E2F7: variants seen among roughly 807,000 people sequenced by gnomAD.
E2F7 encodes E2F transcription factor 7, also known as transcription factor E2F7.
Under a neutral mutation model 81.1 loss-of-function variants are expected in E2F7, and 35 were observed. That is an observed-to-expected ratio of 0.43 (90% CI 0.33 to 0.57). The LOEUF (loss-of-function observed/expected upper bound fraction) is 0.57. Ranked by LOEUF, E2F7 falls within the 20% of genes least tolerant of loss-of-function variation. The pLI is 0.04. For synonymous variants in E2F7, 416 were observed against 416.2 expected, an observed-to-expected ratio of 1.00 and a Z score of 0.01; for missense variants, 961 against 1,093.7, an observed-to-expected ratio of 0.88 and a Z score of 1.71.
intron 2 of E2F7, among the ~76,000 whole-genome samples, chr12:77,058,169 G>C (rs1955050040): frequency 6.6e-6 from 1 of 152,158 alleles, no homozygotes; most frequent in Admixed American, 6.5e-5. Context: ...ACAAGTCCCT[G>C]TTAGTGTGCT....
chr12:77,057,092 A>T (rs984931851), intron 2 of E2F7, among the ~76,000 whole-genome samples: 1 of 151,914 alleles, frequency 6.6e-6, no homozygotes, highest in African/African-American at 2.4e-5. Flanking sequence ...TCACTCTGTA[A>T]CCCAGGCTGG....
chr12:77,026,029 G>A (rs1227557366), intron 11 of E2F7, 47 bp from the exon 12 acceptor site: 5 of 1,531,394 alleles, frequency 3.3e-6, no homozygotes, highest in Non-Finnish European at 4.4e-6. Flanking sequence ...GTCATCATGA[G>A]GATATCATTC....
chr12:77,050,743 A>T lies in E2F7; in HGVS notation c.371T>A (p.Leu124His). 5 of 1,612,734 alleles carry T rather than the reference A, an allele frequency of 3.1e-6. No homozygotes were observed. The highest frequency in any genetic ancestry group is 3.4e-6 in the Non-Finnish European group (4 of 1,179,322). Reference protein sequence around the residue: ...KDDAFTDSLQLDVVGDSAVDE... With the variant: ...KDDAFTDSLQHDVVGDSAVDE... The stretch of plus-strand genomic sequence containing the variant: ...CACAGCACTGTCCCCAACAACATCA[A>T]GCTACAGAGGGCAGATAGAAGGGAG... Residue 124 changes from leucine to histidine, a missense_variant and splice_region_variant, in exon 4 of 13, where the codon CTT becomes CAT. This residue lies in a region of E2F7 where 301 missense variants were observed against 405.0 expected (regional missense o/e 0.74). Transcript: ENST00000322886.
intron 3 of E2F7, among the ~76,000 whole-genome samples, chr12:77,052,756 T>C (rs537033727): frequency 5.9e-5 from 9 of 152,172 alleles, no homozygotes; most frequent in Non-Finnish European, 8.8e-5. Context: ...ACTGAAAGAA[T>C]AGATACATAA....
chr12:77,046,272 C>T lies in E2F7; in HGVS notation c.595G>A (p.Val199Ile), dbSNP rs377755386. Residue 199 changes from valine (V) to isoleucine (I), a missense_variant, in exon 5 of 13, where the codon GTC (valine) becomes ATC (isoleucine). This residue lies in a region of E2F7 where 301 missense variants were observed against 405.0 expected (regional missense o/e 0.74). Transcript: ENST00000322886. ...TACTGATTCTTAGCCACCCGGCTGA[C>T]CAGATGCAGCGACTCCAGCACATTT... The part of the protein sequence containing the change: ...IVNVLESLHL[V>I]SRVAKNQYGW... 152 of 1,614,062 alleles carry T rather than the reference C, an allele frequency of 9.4e-5. No homozygotes were observed. The highest frequency in any genetic ancestry group is 1.2e-4 in the Non-Finnish European group (140 of 1,180,050).
chr12:77,054,382 G>A (rs953315802), intron 3 of E2F7, among the ~76,000 whole-genome samples: 12 of 151,788 alleles, frequency 7.9e-5, no homozygotes, highest in African/African-American at 2.7e-4. Context: ...CAAACTATGG[G>A]AAATTGAAAC....
At chr12:77,028,725 C>T (rs1395182636) in intron 10 of E2F7, among the ~76,000 whole-genome samples, 1 of 152,172 alleles carries the variant, frequency 6.6e-6, no homozygotes, top group East Asian at 1.9e-4. Flanking sequence ...CCGCCCGCCT[C>T]GGCCTCCAAA....
In E2F7 at chr12:77,055,948, A is replaced by G. The variant is rs1434878496; in HGVS notation, c.276T>C (p.Ser92=). 1.2e-6 allele frequency: 2 copies of G among 1,614,144 alleles called. No homozygotes were observed. The highest frequency in any genetic ancestry group is 4.5e-5 in the East Asian group (2 of 44,878). The part of the protein sequence containing the change: ...TPTANLKMLI[S]AASPDIRDRE... ...GGTCCCTTATATCTGGGCTGGCAGCACTAATGAGCATCTTCAGGTTAGCTG... is the reference window on the plus strand; with the variant it reads ...GGTCCCTTATATCTGGGCTGGCAGCGCTAATGAGCATCTTCAGGTTAGCTG... The change falls in exon 3 of 13, where the codon AGT becomes AGC. Residue 92 remains serine (S), a synonymous_variant. Coordinates refer to ENST00000322886, the MANE Select transcript of E2F7 (RefSeq NM_203394.3).
At chr12:77,031,425 GAAGTCA>G (rs1954806501) in intron 9 of E2F7, among the ~76,000 whole-genome samples, 1 of 139,360 alleles carries the variant, frequency 7.2e-6, no homozygotes, top group South Asian at 2.3e-4. Context: ...TGGATAACCT[GAAGTCA>G]GGAGTTCAAG....
rs373744313 is a variant in E2F7, at chr12:77,053,541, T to C, written c.369+2314A>G. On this transcript the variant is annotated intron_variant, in intron 3 of 12. Transcript: ENST00000322886. ...TCCTGACTCTCTGAAAGACTGTCTG[T>C]GGACACTGAGGTCCCCAGATGACCT... is the stretch of plus-strand genomic sequence containing the variant. 3.9e-5 allele frequency among the ~76,000 whole-genome samples: 6 copies of C among 152,310 alleles called. No individual in the cohort carries two copies. In the South Asian group the frequency reaches 6.2e-4, roughly 16 times the overall value.
intron 9 of E2F7, among the ~76,000 whole-genome samples, chr12:77,032,183 C>T (rs1954813227): frequency 6.6e-6 from 1 of 152,188 alleles, no homozygotes; most frequent in Admixed American, 6.5e-5. Context: ...AAAAAGTAGC[C>T]AGGATGATCT....
intron 2 of E2F7, among the ~76,000 whole-genome samples, chr12:77,059,871 G>C (rs1183539903): frequency 6.7e-6 from 1 of 150,242 alleles, no homozygotes; most frequent in East Asian, 2.0e-4. Context: ...GCTGAGGCAG[G>C]AGAATAGCGT....
intron 8 of E2F7, among the ~76,000 whole-genome samples, chr12:77,033,475 G>C (rs1954822881): frequency 6.6e-6 from 1 of 152,048 alleles, no homozygotes; most frequent in Admixed American, 6.5e-5. Flanking sequence ...TCATGCCACT[G>C]TACTCCAGCC....
Position 77,056,153 on chromosome 12 carries a change from A to G in E2F7, c.94-23T>C, listed in dbSNP as rs757700254. ...TTCCTATTTTAAAAAAGAAACTTTT[A>G]GCAAGAATGAGAAAGGGCAGGTATC... On this transcript the variant is annotated intron_variant, in intron 2 of 12. Transcript: ENST00000322886. 3.2e-6 allele frequency: 5 copies of G among 1,566,112 alleles called. No individual in the cohort carries two copies. In the African/African-American group the frequency reaches 6.9e-5, roughly 21 times the overall value.
rs1221862925 is a variant in E2F7, at chr12:77,037,648, C to T, written c.1124-3606G>A. 5.9e-5 allele frequency among the ~76,000 whole-genome samples: 9 copies of T among 152,110 alleles called. No individual in the cohort carries two copies. In the East Asian group the frequency reaches 1.5e-3, roughly 26 times the overall value. ...AACCCTAAAGGAACCATTAACATAA[C>T]ACAACAAAGAATTATAGCCAAGAAA... On this transcript the variant is annotated intron_variant, in intron 7 of 12. Transcript: ENST00000322886.
rs144827154 is a variant in E2F7 at position 77,038,233 on chromosome 12, T to C, written c.1124-4191A>G. On this transcript the variant is annotated intron_variant, in intron 7 of 12. Transcript: ENST00000322886. ...GATTTCAATATCCATCTATCAATAA[T>C]TGCTAGAACAGGTAAACATAAAATC... is the stretch of plus-strand genomic sequence containing the variant. 1.0e-2 allele frequency among the ~76,000 whole-genome samples: 1,519 copies of C among 152,260 alleles called. 17 individuals are homozygous for C. The highest frequency in any genetic ancestry group is 0.048 in the Middle Eastern group (14 of 294).
rs752965945 is a variant in E2F7, at chr12:77,025,656, T to G, written c.2467A>C (p.Asn823His). Residue 823 changes from asparagine to histidine, a missense_variant, in exon 12 of 13, where the codon AAC becomes CAC. By Grantham distance (68) the Asn-to-His change is moderately conservative. This residue lies in a region of E2F7 where 587 missense variants were observed against 620.3 expected (regional missense o/e 0.95). Transcript: ENST00000322886. ...DPQLQSQPSL[N>H]LSPVMSRSHS... ...GACCTTGACATCACTGGACTTAGGT[T>G]TAGTGAGGGCTGACTCTGAAGCTGA... 2 of 1,614,040 alleles carry G rather than the reference T, an allele frequency of 1.2e-6. No homozygotes were observed. Among genetic ancestry groups the G allele is most frequent in the Non-Finnish European group, 1.7e-6 (2 of 1,180,016 alleles).
chr12:77,027,197 T>C (rs1163924750), intron 11 of E2F7, among the ~76,000 whole-genome samples: 1 of 152,234 alleles, frequency 6.6e-6, no homozygotes, highest in Non-Finnish European at 1.5e-5. Flanking sequence ...AAAATCAATT[T>C]AGATATCTTT....
intron 11 of E2F7, among the ~76,000 whole-genome samples, chr12:77,026,353 A>G (rs1352089768): frequency 6.6e-6 from 1 of 152,110 alleles, no homozygotes; most frequent in Non-Finnish European, 1.5e-5. Flanking sequence ...CCCAGGCTGG[A>G]GTGCAGTGGT....
Sources: gnomAD v4.1 joint callset for allele counts (sites outside exome capture counted in the v4.1 genomes callset) on GRCh38, gnomAD v4.1.1 for gene constraint, gnomAD v4.1.1 regional missense constraint, MANE v1.5 for transcripts, NCBI Gene and HGNC (gene_info 2026-07-23, HGNC 2026-07-21) for gene names.